Variants in KLHL1 observed in about 807,000 individuals in gnomAD.
KLHL1 encodes the protein kelch-like protein 1.
A neutral mutation model predicts 77.7 loss-of-function variants in KLHL1; 47 were observed. The observed-to-expected ratio is 0.60, with a 90% confidence interval of 0.48 to 0.77. KLHL1 has a LOEUF of 0.77. Ranked by LOEUF, KLHL1 falls within the 30% of genes least tolerant of loss-of-function variation. The pLI is 0.00. For synonymous variants in KLHL1, 360 were observed against 325.2 expected, an observed-to-expected ratio of 1.11 and a Z score of -1.15; for missense variants, 925 against 910.8, an observed-to-expected ratio of 1.02 and a Z score of -0.20.
intron 5 of KLHL1, among the ~76,000 whole-genome samples, chr13:69,851,701 C>T (rs1879697172): frequency 6.6e-6 from 1 of 151,696 alleles, no homozygotes; most frequent in African/African-American, 2.4e-5. Flanking sequence ...CTAGCATGCT[C>T]CTATGTCCCT....
At chr13:69,708,107 G>A (rs1049443587) in intron 9 of KLHL1, among the ~76,000 whole-genome samples, 1 of 151,856 alleles carries the variant, frequency 6.6e-6, no homozygotes, top group African/African-American at 2.4e-5. Context: ...TAGAATTAGG[G>A]TATTTAAAAC....
At chr13:69,943,362 T>C (rs965329021) in intron 3 of KLHL1, among the ~76,000 whole-genome samples, 1 of 151,996 alleles carries the variant, frequency 6.6e-6, no homozygotes, top group Non-Finnish European at 1.5e-5. Flanking sequence ...TCACTGAAAG[T>C]AAGACAGTAA....
intron 6 of KLHL1, among the ~76,000 whole-genome samples, chr13:69,818,217 A>ATTTTTTTTTTTTTTTTTTTT (rs1878195724): frequency 3.2e-5 from 4 of 124,420 alleles, no homozygotes; most frequent in African/African-American, 1.5e-4. Context: ...ACTCATAGGC[A>ATTTTTTTTTTTTTTTTTTTT]TCTTTTTTTT....
chr13:69,918,691 T>C (rs1334862892), intron 4 of KLHL1, among the ~76,000 whole-genome samples: 1 of 152,140 alleles, frequency 6.6e-6, no homozygotes, highest in Admixed American at 6.6e-5. Flanking sequence ...CAGGTTGAAC[T>C]TAGTTTCCAA....
chr13:70,075,630 A>G (rs1235747009), intron 1 of KLHL1, among the ~76,000 whole-genome samples: 13 of 104,914 alleles, frequency 1.2e-4, no homozygotes, highest in East Asian at 3.4e-4. Flanking sequence ...ATATATATGT[A>G]TATATATATA....
At chr13:69,890,648 A>G (rs985825410) in intron 4 of KLHL1, among the ~76,000 whole-genome samples, 9 of 149,516 alleles carry the variant, frequency 6.0e-5, no homozygotes, top group Admixed American at 1.3e-4. Context: ...ACACACACGC[A>G]CACACACACA....
chr13:69,728,311 A>G (rs1266089339), intron 8 of KLHL1, among the ~76,000 whole-genome samples: 1 of 152,114 alleles, frequency 6.6e-6, no homozygotes, highest in Non-Finnish European at 1.5e-5. Context: ...ATTAGGACAT[A>G]ATGGAAAAAC....
intron 1 of KLHL1, among the ~76,000 whole-genome samples, chr13:70,019,404 G>T (rs1885735601): frequency 6.6e-6 from 1 of 152,086 alleles, no homozygotes; most frequent in Admixed American, 6.6e-5. Flanking sequence ...GTAAGAGGAA[G>T]TTGAGTACTT....
intron 1 of KLHL1, among the ~76,000 whole-genome samples, chr13:70,049,560 A>G (rs1209363004): frequency 6.6e-6 from 1 of 152,216 alleles, no homozygotes; most frequent in East Asian, 1.9e-4. Context: ...ATAAACAAGC[A>G]TTTATAATTT....
chr13:70,051,396 G>A (rs1224669208), intron 1 of KLHL1, among the ~76,000 whole-genome samples: 1 of 151,918 alleles, frequency 6.6e-6, no homozygotes, highest in Non-Finnish European at 1.5e-5. Flanking sequence ...TACATGCAAT[G>A]ACAGAAAATC....
chr13:69,703,672 C>A (rs1875500996), intron 10 of KLHL1, among the ~76,000 whole-genome samples: 1 of 151,418 alleles, frequency 6.6e-6, no homozygotes, highest in African/African-American at 2.4e-5. Context: ...GAGGTGTGTA[C>A]CACTTTTTAT....
intron 9 of KLHL1, among the ~76,000 whole-genome samples, chr13:69,711,555 A>G (rs9592651): frequency 0.34 from 52,233 of 151,960 alleles, 9,157 homozygotes; most frequent in Non-Finnish European, 0.37. Context: ...TCATGACATT[A>G]TCAAAAGAAA....
chr13:69,888,407 A>G (rs1366701513), intron 4 of KLHL1, among the ~76,000 whole-genome samples: 1 of 152,176 alleles, frequency 6.6e-6, no homozygotes, highest in East Asian at 1.9e-4. Context: ...TTAAGTTAAG[A>G]AAAAGTCATA....
Position 69,730,267 on chromosome 13 carries a change from A to ATGTG in KLHL1, c.1802+10123_1802+10126dup, listed in dbSNP as rs56271435. On this transcript the variant is annotated intron_variant, in intron 8 of 10. Coordinates refer to ENST00000377844, the MANE Select transcript of KLHL1 (RefSeq NM_020866.3). ...GGATAAGTAATGTACTAACACTTTA[A>ATGTG]TGTGTGTGTGTGTGTGTGTGTGTGT... is the stretch of plus-strand genomic sequence containing the variant. 1.8e-3 allele frequency among the ~76,000 whole-genome samples: 257 copies of ATGTG among 143,914 alleles called. 3 individuals are homozygous for ATGTG. The highest frequency in any genetic ancestry group is 3.2e-3 in the East Asian group (16 of 5,012). 94.4% of individuals were successfully genotyped at this position (143,914 alleles called of 152,430 possible). A position where few individuals can be genotyped will look rare whatever the true frequency, so the allele number is the denominator to read the frequency against.
intron 7 of KLHL1, among the ~76,000 whole-genome samples, chr13:69,775,868 C>A (rs1490934115): frequency 6.6e-6 from 1 of 151,624 alleles, no homozygotes; most frequent in Non-Finnish European, 1.5e-5. Context: ...AATTATTATT[C>A]TAGGCCAGGC....
chr13:69,884,545 G>C (rs1169504974), intron 4 of KLHL1, among the ~76,000 whole-genome samples: 1 of 151,496 alleles, frequency 6.6e-6, no homozygotes, highest in African/African-American at 2.4e-5. Flanking sequence ...ACCACACACA[G>C]AACTCTATAG....
chr13:69,840,424 A>G (rs1879200378), intron 5 of KLHL1, among the ~76,000 whole-genome samples: 1 of 151,878 alleles, frequency 6.6e-6, no homozygotes, highest in Non-Finnish European at 1.5e-5. Context: ...GAGTTTCACC[A>G]TGTCGGCCAG....
intron 8 of KLHL1, among the ~76,000 whole-genome samples, chr13:69,735,008 T>C (rs1464288048): frequency 1.3e-5 from 2 of 152,086 alleles, no homozygotes; most frequent in Non-Finnish European, 2.9e-5. Context: ...TGCAAAGTCA[T>C]AGCTGGAATA....
intron 6 of KLHL1, among the ~76,000 whole-genome samples, chr13:69,816,996 T>TA (rs998824757): frequency 1.1e-4 from 17 of 151,570 alleles, no homozygotes; most frequent in African/African-American, 3.6e-4. Context: ...ATAAATATAA[T>TA]AAAAAAAGCT....
Sources: gnomAD v4.1 joint callset for allele counts (sites outside exome capture counted in the v4.1 genomes callset) on GRCh38, gnomAD v4.1.1 for gene constraint, MANE v1.5 for transcripts, NCBI Gene and HGNC (gene_info 2026-07-23, HGNC 2026-07-21) for gene names.